Variants in STXBP6 observed in about 807,000 individuals in gnomAD.
STXBP6 encodes the protein syntaxin binding protein 6.
STXBP6 carries 21 observed loss-of-function variants against 26.9 expected under a neutral mutation model. That is an observed-to-expected ratio of 0.78 (90% CI 0.55 to 1.12). The LOEUF is 1.12. Among genes scored for constraint, STXBP6 ranks in the 50% most tolerant of loss-of-function variants. The pLI is 0.00. For synonymous variants in STXBP6, 97 were observed against 92.6 expected, an observed-to-expected ratio of 1.05 and a Z score of -0.27; for missense variants, 232 against 257.9, an observed-to-expected ratio of 0.90 and a Z score of 0.69.
intron 2 of STXBP6, among the ~76,000 whole-genome samples, chr14:24,871,674 T>G (rs1420535108): frequency 2.0e-5 from 3 of 152,198 alleles, no homozygotes; most frequent in Non-Finnish European, 4.4e-5. Flanking sequence ...GTTGCTGCTT[T>G]CAAGCCATGG....
intron 1 of STXBP6, among the ~76,000 whole-genome samples, chr14:25,019,066 A>G (rs1224061954): frequency 1.3e-5 from 2 of 152,210 alleles, no homozygotes; most frequent in Non-Finnish European, 2.9e-5. Context: ...GATGTACACA[A>G]AAGTATGGGA....
intron 5 of STXBP6, among the ~76,000 whole-genome samples, chr14:24,815,460 A>T (rs1410182700): frequency 6.7e-6 from 1 of 149,204 alleles, no homozygotes; most frequent in Non-Finnish European, 1.5e-5. Flanking sequence ...TTTTTATAAT[A>T]CTATTATAAC....
At chr14:25,008,263 G>T (rs1325120016) in intron 1 of STXBP6, among the ~76,000 whole-genome samples, 1 of 152,128 alleles carries the variant, frequency 6.6e-6, no homozygotes, top group Non-Finnish European at 1.5e-5. Flanking sequence ...CAGCACTGTG[G>T]GAGATGAAGG....
chr14:24,948,926 G>A (rs1438800233), intron 2 of STXBP6, among the ~76,000 whole-genome samples: 1 of 152,080 alleles, frequency 6.6e-6, no homozygotes, highest in African/African-American at 2.4e-5. Flanking sequence ...TAGGGAATAC[G>A]ATCTAGGAGG....
intron 4 of STXBP6, among the ~76,000 whole-genome samples, chr14:24,829,293 CTAAAG>C (rs2068384150): frequency 6.6e-6 from 1 of 152,104 alleles, no homozygotes; most frequent in Admixed American, 6.5e-5. Context: ...TTTAAAGTAT[CTAAAG>C]TAGTCAAAAT....
intron 2 of STXBP6, among the ~76,000 whole-genome samples, chr14:24,965,945 AG>A (rs1160669533): frequency 2.0e-5 from 3 of 152,240 alleles, no homozygotes; most frequent in African/African-American, 7.2e-5. Flanking sequence ...GATGTCTGCC[AG>A]GTACACAGTG....
chr14:25,022,768 C>G (rs2075283027), intron 1 of STXBP6, among the ~76,000 whole-genome samples: 1 of 152,172 alleles, frequency 6.6e-6, no homozygotes, highest in Non-Finnish European at 1.5e-5. Flanking sequence ...TGAGTCTTCA[C>G]CTACCATCTC....
intron 4 of STXBP6, among the ~76,000 whole-genome samples, chr14:24,829,637 C>T (rs974041323): frequency 1.3e-5 from 2 of 152,052 alleles, no homozygotes; most frequent in African/African-American, 2.4e-5. Flanking sequence ...CATCAGATGT[C>T]ATTCCACCTT....
intron 2 of STXBP6, among the ~76,000 whole-genome samples, chr14:24,881,082 T>C (rs3742523): frequency 0.37 from 56,218 of 152,052 alleles, 10,814 homozygotes; most frequent in Admixed American, 0.5. Context: ...CAGGTAATGT[T>C]ACCTCCAGTG....
chr14:24,957,918 G>A (rs1473242393), intron 2 of STXBP6, among the ~76,000 whole-genome samples: 5 of 152,166 alleles, frequency 3.3e-5, no homozygotes, highest in Non-Finnish European at 5.9e-5. Flanking sequence ...TATGCACATA[G>A]AACCATTACT....
intron 4 of STXBP6, among the ~76,000 whole-genome samples, chr14:24,853,593 A>G (rs1273104257): frequency 2.0e-5 from 3 of 152,252 alleles, no homozygotes; most frequent in Admixed American, 1.3e-4. Context: ...GAGATTTTAT[A>G]TAGCATCTAG....
chr14:24,914,109 A>C (rs779436838), intron 2 of STXBP6, among the ~76,000 whole-genome samples: 3 of 152,092 alleles, frequency 2.0e-5, no homozygotes. Context: ...AAGCTTTTTA[A>C]AATTAATTTC....
chr14:24,816,806 A>T (rs911795399), intron 5 of STXBP6: 1 of 152,018 alleles, frequency 6.6e-6, no homozygotes, highest in East Asian at 1.9e-4. Context: ...GAGGCACAAA[A>T]TCTTCTCCTC....
intron 4 of STXBP6, among the ~76,000 whole-genome samples, chr14:24,844,417 G>A (rs1438326269): frequency 1.3e-5 from 2 of 152,186 alleles, no homozygotes; most frequent in African/African-American, 4.8e-5. Flanking sequence ...CAGACGTACG[G>A]GTAACCTGAG....
chr14:24,989,942 G>A (rs2074424382), intron 1 of STXBP6, among the ~76,000 whole-genome samples: 1 of 152,156 alleles, frequency 6.6e-6, no homozygotes. Flanking sequence ...GTTGCAGAAT[G>A]GTTCAAATGG....
chr14:24,995,441 T>C (rs2074578125), intron 1 of STXBP6, among the ~76,000 whole-genome samples: 3 of 152,064 alleles, frequency 2.0e-5, no homozygotes, highest in Non-Finnish European at 2.9e-5. Context: ...GTTTTTTTTT[T>C]GCATGAATGG....
At chr14:24,852,275 A>G (rs746388729) in intron 4 of STXBP6, among the ~76,000 whole-genome samples, 6 of 152,168 alleles carry the variant, frequency 3.9e-5, no homozygotes, top group Non-Finnish European at 7.4e-5. Flanking sequence ...TGAACTAATC[A>G]GGTCATTGTG....
chr14:24,846,044 G>A (rs139879251), intron 4 of STXBP6, among the ~76,000 whole-genome samples: 15 of 152,288 alleles, frequency 9.8e-5, no homozygotes, highest in African/African-American at 3.6e-4. Flanking sequence ...TCTTTGCAAT[G>A]TAAGCTTTTC....
chr14:24,860,056 T>C (rs1183408896), intron 2 of STXBP6, among the ~76,000 whole-genome samples: 1 of 152,220 alleles, frequency 6.6e-6, no homozygotes, highest in African/African-American at 2.4e-5. Flanking sequence ...ACACAAACTA[T>C]TATGTCCAGA....
Sources: gnomAD v4.1 joint callset for allele counts (sites outside exome capture counted in the v4.1 genomes callset) on GRCh38, gnomAD v4.1.1 for gene constraint, MANE v1.5 for transcripts, NCBI Gene and HGNC (gene_info 2026-07-23, HGNC 2026-07-21) for gene names.